Variants in PLSCR4 observed in about 807,000 individuals in gnomAD.
PLSCR4 encodes the protein Ca(2+)-dependent phospholipid scramblase 4.
Under a neutral mutation model 36.3 loss-of-function variants are expected in PLSCR4, and 25 were observed. The observed-to-expected ratio is 0.69, with a 90% confidence interval of 0.50 to 0.96. The LOEUF is 0.96. PLSCR4 is among the 40% of genes least tolerant of loss of function. The pLI, the probability that PLSCR4 is intolerant of heterozygous loss-of-function variation, is 0.00. For synonymous variants in PLSCR4, 122 were observed against 132.9 expected (o/e 0.92, Z 0.56); for missense variants, 408 against 414.7 (o/e 0.98, Z 0.14).
intron 3 of PLSCR4, among the ~76,000 whole-genome samples, chr3:146,219,801 G>A (rs928174450): frequency 8.6e-5 from 13 of 152,032 alleles, no homozygotes; most frequent in Admixed American, 5.9e-4. Flanking sequence ...TTAGCCGGGC[G>A]TGGTGGTGCA....
At chr3:146,201,168 C>T (rs758672809) in intron 4 of PLSCR4, 91 bp from the exon 5 acceptor site, 39 of 751,866 alleles carry the variant, frequency 5.2e-5, no homozygotes, top group African/African-American at 1.5e-4. Flanking sequence ...TATTAAAATG[C>T]ATCAATTGAT....
intron 2 of PLSCR4, 58 bp downstream of exon 2, chr3:146,222,007 A>C (rs2035172769): frequency 1.4e-5 from 14 of 1,034,858 alleles, no homozygotes; most frequent in Non-Finnish European, 1.9e-5. Flanking sequence ...TAGGGAAAAT[A>C]ATCACAAAAT....
intron 1 of PLSCR4, among the ~76,000 whole-genome samples, chr3:146,229,704 A>G (rs1406336607): frequency 1.3e-5 from 2 of 151,056 alleles, no homozygotes; most frequent in Non-Finnish European, 2.9e-5. Context: ...GGCTCACTGC[A>G]AGCTCCGCCT....
At chr3:146,225,591 A>G (rs961722239) in intron 1 of PLSCR4, among the ~76,000 whole-genome samples, 4 of 152,196 alleles carry the variant, frequency 2.6e-5, no homozygotes, top group Non-Finnish European at 1.5e-5. Context: ...GAAGGCAGCT[A>G]AGGCTTGGTG....
intron 1 of PLSCR4, chr3:146,223,876 T>C (rs2035300868): frequency 1.7e-5 from 1 of 59,794 alleles, no homozygotes. Flanking sequence ...TAATATATAT[T>C]ATATATTTTT....
chr3:146,224,619 G>C (rs945053343), intron 1 of PLSCR4, among the ~76,000 whole-genome samples: 3 of 152,064 alleles, frequency 2.0e-5, no homozygotes, highest in Admixed American at 6.6e-5. Context: ...CAAACAGTGA[G>C]CAGCAGCAAG....
At chr3:146,217,735 A>T (rs1485820121) in intron 3 of PLSCR4, among the ~76,000 whole-genome samples, 1 of 152,176 alleles carries the variant, frequency 6.6e-6, no homozygotes, top group Non-Finnish European at 1.5e-5. Flanking sequence ...GGAGAAAGAA[A>T]ATAGAGTTTA....
At chr3:146,199,627 C>T (rs1162170773) in intron 6 of PLSCR4, among the ~76,000 whole-genome samples, 186 bp downstream of exon 6, 2 of 152,036 alleles carry the variant, frequency 1.3e-5, no homozygotes, top group Non-Finnish European at 2.9e-5. Context: ...AAAGTAGTAA[C>T]CAAAAAGAAA....
At chr3:146,210,849 T>G (rs371874667) in intron 3 of PLSCR4, among the ~76,000 whole-genome samples, 30 of 57,908 alleles carry the variant, frequency 5.2e-4, no homozygotes, top group Admixed American at 1.4e-3. Context: ...TTATGTCTGT[T>G]TTTTTTTTTA....
At chr3:146,215,667 T>A (rs2034861453) in intron 3 of PLSCR4, among the ~76,000 whole-genome samples, 1 of 152,190 alleles carries the variant, frequency 6.6e-6, no homozygotes, top group African/African-American at 2.4e-5. Context: ...CAAAAATTGT[T>A]GGATTTTCAG....
At chr3:146,232,607 G>A (rs1339459790) in intron 1 of PLSCR4, among the ~76,000 whole-genome samples, 1 of 152,102 alleles carries the variant, frequency 6.6e-6, no homozygotes, top group African/African-American at 2.4e-5. Flanking sequence ...TAGCTATTGT[G>A]AATGGTATTG....
At chr3:146,236,862 AAAG>A (rs2035940119) in intron 1 of PLSCR4, among the ~76,000 whole-genome samples, 1 of 152,202 alleles carries the variant, frequency 6.6e-6, no homozygotes, top group Non-Finnish European at 1.5e-5. Context: ...GAAAAGGGTT[AAAG>A]AAGAAAGGCT....
At chr3:146,196,941 G>A (rs1396125584) in intron 6 of PLSCR4, 148 bp from the exon 7 acceptor site, 4 of 695,090 alleles carry the variant, frequency 5.8e-6, no homozygotes, top group African/African-American at 1.8e-5. Context: ...TCTCACCCAG[G>A]CCATTCTTCA....
rs2036532715 is a variant in PLSCR4, at chr3:146,251,064, GGA to G, written c.-128_-127del. On this transcript the variant is annotated 5_prime_UTR_variant, in exon 1 of 9. Transcript: ENST00000354952. Reference sequence around the variant, plus strand: ...AGGAGGCAGGGAAGGGAGACGGAGAGGATTTTTCAAGTTATAAACAAAGTAAG... The same window carrying G: ...AGGAGGCAGGGAAGGGAGACGGAGAGTTTTTCAAGTTATAAACAAAGTAAG... 6.5e-6 allele frequency: 1 copy of G among 152,736 alleles called. No individual in the cohort carries two copies. The highest frequency in any genetic ancestry group is 2.4e-5 in the African/African-American group (1 of 41,464). The allele number at this position is 152,736 out of a possible 1,614,324, so 9.5% of individuals were successfully genotyped here.
At chr3:146,194,805 TAAG>T (rs945222991) in intron 8 of PLSCR4, among the ~76,000 whole-genome samples, 8 of 152,176 alleles carry the variant, frequency 5.3e-5, no homozygotes. Context: ...TAGGCATTTT[TAAG>T]TAGTGACAAT....
At chr3:146,250,522 A>C (rs1361510440) in intron 1 of PLSCR4, 3 of 152,132 alleles carry the variant, frequency 2.0e-5, no homozygotes, top group Non-Finnish European at 4.4e-5. Context: ...CCACTCGCTG[A>C]GCAATTAAAA....
chr3:146,228,410 A>C (rs2035564730), intron 1 of PLSCR4, among the ~76,000 whole-genome samples: 1 of 151,604 alleles, frequency 6.6e-6, no homozygotes, highest in South Asian at 2.1e-4. Context: ...ATATCCAGTA[A>C]TGTTCTAGCA....
At chr3:146,223,279 G>A (rs1394308726) in intron 1 of PLSCR4, among the ~76,000 whole-genome samples, 1 of 152,030 alleles carries the variant, frequency 6.6e-6, no homozygotes, top group African/African-American at 2.4e-5. Flanking sequence ...ATTTGAGAAG[G>A]GAATTTCAAT....
intron 3 of PLSCR4, among the ~76,000 whole-genome samples, chr3:146,210,851 T>G (rs1213716877): frequency 6.6e-6 from 1 of 152,050 alleles, no homozygotes; most frequent in Non-Finnish European, 1.5e-5. Context: ...ATGTCTGTTT[T>G]TTTTTTTACA....
Sources: allele counts gnomAD v4.1 joint callset (sites outside exome capture counted in the v4.1 genomes callset), GRCh38; gene constraint gnomAD v4.1.1; transcripts MANE v1.5; gene names NCBI Gene and HGNC (gene_info 2026-07-23, HGNC 2026-07-21).